FHIT: variants seen among roughly 807,000 people sequenced by gnomAD.
FHIT encodes fragile histidine triad diadenosine triphosphatase, also known as bis(5'-adenosyl)-triphosphatase.
A neutral mutation model predicts 17.9 loss-of-function variants in FHIT; 19 were observed. The ratio of observed to expected loss-of-function variants is 1.06; its 90% CI spans 0.74 to 1.56. FHIT has a LOEUF of 1.56. Ranked by LOEUF, FHIT falls within the 40% of genes most tolerant of loss-of-function variation. The probability of loss-of-function intolerance (pLI) is 0.00; values close to 1 mark genes in which losing one functional copy is unlikely to be tolerated. For synonymous variants in FHIT, 81 were observed against 69.7 expected (o/e 1.16, Z -0.81); for missense variants, 248 against 189.2 (o/e 1.31, Z -1.82).
At chr3:59,763,884 C>T (rs1204208994) in intron 8 of FHIT, among the ~76,000 whole-genome samples, 1 of 152,172 alleles carries the variant, frequency 6.6e-6, no homozygotes, top group Non-Finnish European at 1.5e-5. Context: ...ATCTCCCTTC[C>T]CTTTAGCACT....
intron 5 of FHIT, among the ~76,000 whole-genome samples, chr3:60,297,028 G>A (rs774970512): frequency 5.9e-5 from 9 of 151,720 alleles, no homozygotes; most frequent in Middle Eastern, 3.4e-3. Flanking sequence ...AATGACACAT[G>A]GTCATATAAA....
At chr3:61,177,007 C>A (rs1250261008) in intron 2 of FHIT, among the ~76,000 whole-genome samples, 1 of 152,128 alleles carries the variant, frequency 6.6e-6, no homozygotes, top group Admixed American at 6.5e-5. Context: ...AACCCCGTCT[C>A]TACTAAAAAT....
At chr3:59,978,105 T>C (rs918463498) in intron 7 of FHIT, among the ~76,000 whole-genome samples, 1 of 152,128 alleles carries the variant, frequency 6.6e-6, no homozygotes, top group South Asian at 2.1e-4. Context: ...GGGTAAGTAT[T>C]ATTGCTAATT....
At chr3:60,572,306 T>A (rs1418835323) in intron 4 of FHIT, among the ~76,000 whole-genome samples, 1 of 151,200 alleles carries the variant, frequency 6.6e-6, no homozygotes, top group African/African-American at 2.4e-5. Flanking sequence ...TTCTAAATAT[T>A]TGAATGTTCA....
intron 5 of FHIT, among the ~76,000 whole-genome samples, chr3:60,221,787 G>C (rs1343335580): frequency 1.3e-5 from 2 of 151,828 alleles, no homozygotes; most frequent in African/African-American, 2.4e-5. Context: ...TCAGAATTCT[G>C]CCTAAAATTG....
intron 4 of FHIT, among the ~76,000 whole-genome samples, chr3:60,550,864 A>T (rs1188847672): frequency 2.0e-5 from 3 of 152,152 alleles, no homozygotes; most frequent in South Asian, 2.1e-4. Flanking sequence ...TGCATATTGC[A>T]AGCAGTAGAG....
At chr3:60,283,579 GGTCT>G (rs1707572176) in intron 5 of FHIT, among the ~76,000 whole-genome samples, 1 of 151,942 alleles carries the variant, frequency 6.6e-6, no homozygotes, top group South Asian at 2.1e-4. Flanking sequence ...CTAGGGATAC[GGTCT>G]GTAAGAAGCA....
chr3:60,493,001 A>G (rs75096865), intron 5 of FHIT, among the ~76,000 whole-genome samples: 1,559 of 152,288 alleles, frequency 0.01, 17 homozygotes, highest in East Asian at 0.052. Flanking sequence ...GACACAGTAC[A>G]TGTATACCCA....
At chr3:60,496,827 G>A (rs1292484632) in intron 5 of FHIT, among the ~76,000 whole-genome samples, 2 of 152,150 alleles carry the variant, frequency 1.3e-5, no homozygotes, top group South Asian at 2.1e-4. Flanking sequence ...ATTTATTCAT[G>A]TAGCTGTATC....
intron 3 of FHIT, among the ~76,000 whole-genome samples, chr3:60,868,886 AG>A (rs1262758779): frequency 1.3e-5 from 2 of 152,156 alleles, no homozygotes; most frequent in African/African-American, 4.8e-5. Flanking sequence ...CGTGAGTTTG[AG>A]GAGCAGAGTG....
At chr3:59,794,174 A>C (rs1284475358) in intron 8 of FHIT, among the ~76,000 whole-genome samples, 1 of 152,240 alleles carries the variant, frequency 6.6e-6, no homozygotes. Flanking sequence ...ATCTGAGAAC[A>C]TCTGCAATTC....
Position 60,536,665 on chromosome 3 carries a change from A to G in FHIT, c.103+195T>C, listed in dbSNP as rs2035991010. The stretch of plus-strand genomic sequence containing the variant: ...AAGTTCTGCAACATTGATCAAGCAT[A>G]TTACTGGTGCCACCAACTGGATTCA... On this transcript the variant is annotated intron_variant, in intron 5 of 9. Coordinates refer to ENST00000492590, the MANE Select transcript of FHIT (RefSeq NM_002012.4). The G allele has an allele frequency of 7.9e-6, 4 of 507,886 alleles. No individual in the cohort carries two copies. In the East Asian group the frequency reaches 9.6e-5, roughly 12 times the overall value. The allele number at this position is 507,886 out of a possible 1,614,324, so 31.5% of individuals were successfully genotyped here. A position where few individuals can be genotyped will look rare whatever the true frequency, so the allele number is the denominator to read the frequency against.
At position 60,154,179 on chromosome 3, in the gene FHIT, A is replaced by G. The variant is rs117257174; in HGVS notation, c.104-140027T>C. Among the ~76,000 whole-genome samples the G allele has an allele frequency of 1.3e-4, 20 of 152,326 alleles. No homozygotes were observed. The East Asian group carries it at 3.7e-3, about 28-fold the overall frequency. On this transcript the variant is annotated intron_variant, in intron 5 of 9. Coordinates refer to ENST00000492590, the MANE Select transcript of FHIT (RefSeq NM_002012.4). Reference sequence around the variant, plus strand: ...AGCATGTGGGAGTTATCCATATCCTACTGCTCAAAGTCATCGCCAAGGTCT... The same window carrying G: ...AGCATGTGGGAGTTATCCATATCCTGCTGCTCAAAGTCATCGCCAAGGTCT...
At chr3:59,836,986 C>G (rs1242871431) in intron 8 of FHIT, among the ~76,000 whole-genome samples, 2 of 152,156 alleles carry the variant, frequency 1.3e-5, no homozygotes, top group Non-Finnish European at 2.9e-5. Flanking sequence ...TCTATGCTAT[C>G]ATTTCTAAAT....
chr3:59,927,458 T>G (rs1705718705), intron 7 of FHIT, among the ~76,000 whole-genome samples: 1 of 121,248 alleles, frequency 8.2e-6, no homozygotes, highest in African/African-American at 3.6e-5. Flanking sequence ...AATAAAGCTA[T>G]TACTTAAAAA....
chr3:61,052,400 A>T (rs898958479), intron 2 of FHIT, among the ~76,000 whole-genome samples: 25 of 152,132 alleles, frequency 1.6e-4, no homozygotes, highest in African/African-American at 6.0e-4. Flanking sequence ...CATATCCAGG[A>T]CTCACACCCA....
chr3:60,129,049 G>GTTTTTTTTTTTTTTTTT (rs1553692328), intron 5 of FHIT, among the ~76,000 whole-genome samples: 1 of 121,040 alleles, frequency 8.3e-6, no homozygotes. Context: ...TTCCTTTTTT[G>GTTTTTTTTTTTTTTTTT]TTTGTTTTTT....
intron 4 of FHIT, among the ~76,000 whole-genome samples, chr3:60,748,850 A>T (rs1553716073): frequency 6.6e-6 from 1 of 152,176 alleles, no homozygotes; most frequent in East Asian, 1.9e-4. Flanking sequence ...ATTACTTATA[A>T]CACCTAATAC....
chr3:60,478,535 T>G (rs964153956), intron 5 of FHIT, among the ~76,000 whole-genome samples: 1 of 152,108 alleles, frequency 6.6e-6, no homozygotes, highest in African/African-American at 2.4e-5. Context: ...ATAGAATGCA[T>G]CTGGCAGAAG....
Sources: allele counts gnomAD v4.1 joint callset (sites outside exome capture counted in the v4.1 genomes callset), GRCh38; gene constraint gnomAD v4.1.1; transcripts MANE v1.5; gene names NCBI Gene and HGNC (gene_info 2026-07-23, HGNC 2026-07-21).